Variants in PPP2R2D observed in about 807,000 individuals in gnomAD.
PPP2R2D encodes the protein serine/threonine-protein phosphatase 2A 55 kDa regulatory subunit B delta isoform.
PPP2R2D carries 9 observed loss-of-function variants against 31.1 expected under a neutral mutation model. The observed-to-expected ratio is 0.29, with a 90% CI of 0.17 to 0.51. The LOEUF (loss-of-function observed/expected upper bound fraction) is 0.51, where lower values mean the gene tolerates loss of function less well. Among genes scored for constraint, PPP2R2D ranks in the 20% least tolerant of loss-of-function variants. The pLI is 0.98. For missense variants in PPP2R2D, 391 were observed against 465.6 expected, an observed-to-expected ratio of 0.84 and a Z score of 1.48; for synonymous variants, 179 against 172.6, an observed-to-expected ratio of 1.04 and a Z score of -0.29.
intron 2 of PPP2R2D, among the ~76,000 whole-genome samples, chr10:131,926,331 CAG>C (rs113649292): frequency 1.3e-5 from 2 of 152,222 alleles, no homozygotes; most frequent in African/African-American, 4.8e-5. Context: ...TGAAAAGACA[CAG>C]AAACGTGTGT....
At chr10:131,926,094 C>T (rs1414247700) in intron 2 of PPP2R2D, among the ~76,000 whole-genome samples, 2 of 152,178 alleles carry the variant, frequency 1.3e-5, no homozygotes, top group Non-Finnish European at 2.9e-5. Flanking sequence ...GGGACCTTTC[C>T]CTGTTTGCCT....
chr10:131,936,347 C>G (rs1397290676), intron 3 of PPP2R2D, among the ~76,000 whole-genome samples: 3 of 151,708 alleles, frequency 2.0e-5, no homozygotes, highest in Admixed American at 2.0e-4. Flanking sequence ...GGGGTTTCAC[C>G]GTTGGCCAGG....
chr10:131,943,633 T>C (rs2036481018), intron 5 of PPP2R2D, among the ~76,000 whole-genome samples: 1 of 152,096 alleles, frequency 6.6e-6, no homozygotes, highest in South Asian at 2.1e-4. Context: ...GACTTTGCTG[T>C]CCAGCGCCTC....
At chr10:131,917,074 GTGTT>G (rs1169542154) in intron 2 of PPP2R2D, among the ~76,000 whole-genome samples, 8 of 147,626 alleles carry the variant, frequency 5.4e-5, no homozygotes, top group Non-Finnish European at 9.0e-5. Context: ...GAATGACACA[GTGTT>G]TGTAGGGACC....
intron 2 of PPP2R2D, among the ~76,000 whole-genome samples, chr10:131,904,987 C>CTTT (rs1421317858): frequency 3.4e-5 from 5 of 148,810 alleles, no homozygotes; most frequent in African/African-American, 1.2e-4. Context: ...CCCCACCCCC[C>CTTT]TTTTTTTTTT....
At position 131,916,169 on chromosome 10, in the gene PPP2R2D, C is replaced by T. The variant is rs1179527969; in HGVS notation, c.100+14839C>T. Among the ~76,000 whole-genome samples the T allele has an allele frequency of 5.9e-5, 9 of 152,124 alleles. No individual in the cohort carries two copies. In the East Asian group the frequency reaches 9.6e-4, roughly 16 times the overall value. On this transcript the variant is annotated intron_variant, in intron 2 of 8. Transcript: ENST00000455566. ...TCTGGCCACGCGCCCTGATAACCTC[C>T]GTGTTCCCCGCAGGACAGGCTGTGG... is the stretch of plus-strand genomic sequence containing the variant.
intron 2 of PPP2R2D, among the ~76,000 whole-genome samples, chr10:131,926,097 G>C (rs112072176): frequency 3.9e-5 from 6 of 152,284 alleles, no homozygotes; most frequent in African/African-American, 1.4e-4. Flanking sequence ...ACCTTTCCCT[G>C]TTTGCCTGTG....
the PPP2R2D span, among the ~76,000 whole-genome samples, chr10:131,965,956 G>A: frequency 1.3e-5 from 2 of 152,190 alleles, no homozygotes; most frequent in Non-Finnish European, 2.9e-5. Flanking sequence ...GAGTCTCTAT[G>A]CGTGGGCACC....
At chr10:131,935,521 C>T (rs1173740445) in intron 3 of PPP2R2D, among the ~76,000 whole-genome samples, 1 of 152,158 alleles carries the variant, frequency 6.6e-6, no homozygotes, top group Admixed American at 6.5e-5. Flanking sequence ...GGAGGACTGT[C>T]CCTGGGCCAC....
intron 3 of PPP2R2D, among the ~76,000 whole-genome samples, chr10:131,935,634 G>C (rs1342381572): frequency 1.3e-5 from 2 of 152,178 alleles, no homozygotes; most frequent in Non-Finnish European, 2.9e-5. Flanking sequence ...TTTAAATCCT[G>C]TTTTCTCTGA....
intron 8 of PPP2R2D, among the ~76,000 whole-genome samples, chr10:131,951,697 T>C (rs2036638540): frequency 6.6e-6 from 1 of 152,080 alleles, no homozygotes; most frequent in Admixed American, 6.6e-5. Flanking sequence ...GGTGCATGCC[T>C]TTAATCCCAC....
downstream of PPP2R2D, among the ~76,000 whole-genome samples, chr10:131,961,889 C>A (rs1240937988): frequency 6.6e-6 from 1 of 151,976 alleles, no homozygotes; most frequent in African/African-American, 2.4e-5. Flanking sequence ...CTGCTCCCAT[C>A]TGTCCCTAAT....
chr10:131,964,703 G>A (rs2036958735), downstream of PPP2R2D, among the ~76,000 whole-genome samples: 1 of 135,646 alleles, frequency 7.4e-6, no homozygotes, highest in East Asian at 2.2e-4. Flanking sequence ...TAACCTTGCA[G>A]TATCCACCCC....
At chr10:131,953,425 G>A (rs1327817654) in intron 8 of PPP2R2D, among the ~76,000 whole-genome samples, 1 of 101,244 alleles carries the variant, frequency 9.9e-6, no homozygotes, top group Non-Finnish European at 1.9e-5. Flanking sequence ...ACTTGCGGGG[G>A]GTCCCTGTCT....
At chr10:131,971,492 TTA>T in the PPP2R2D span, 5 of 156,530 alleles carry the variant, frequency 3.2e-5, no homozygotes, top group African/African-American at 4.8e-5. Context: ...ATCCTCAGAA[TTA>T]TATAACAGCA....
intron 2 of PPP2R2D, chr10:131,912,112 A>G (rs1187957984): frequency 6.6e-6 from 1 of 152,146 alleles, no homozygotes; most frequent in Non-Finnish European, 1.5e-5. Context: ...TTTTTAATCC[A>G]CAAATGTGGA....
At chr10:131,935,080 G>C (rs1358060699) in intron 3 of PPP2R2D, 18 of 413,008 alleles carry the variant, frequency 4.4e-5, no homozygotes, top group African/African-American at 3.7e-4. Flanking sequence ...TTCAGAGTGT[G>C]GGCCTTGGAG....
chr10:131,932,646 C>CGAAAAAAAAAAA (rs2036258239), intron 2 of PPP2R2D, among the ~76,000 whole-genome samples: 1 of 57,860 alleles, frequency 1.7e-5, no homozygotes, highest in Non-Finnish European at 3.1e-5. Flanking sequence ...CAGCCTGTCT[C>CGAAAAAAAAAAA]AAAAAAAAAA....
At position 131,901,092 on chromosome 10, in the gene PPP2R2D, C is replaced by T. The variant is rs2035483752; in HGVS notation, c.-57C>T. The T allele has an allele frequency of 1.0e-5, 2 of 194,110 alleles. No individual in the cohort carries two copies. Among genetic ancestry groups the T allele is most frequent in the East Asian group, 1.4e-4 (1 of 7,274 alleles). 12.0% of individuals were successfully genotyped at this position (194,110 alleles called of 1,614,324 possible). Reference sequence around the variant, plus strand: ...GGGGCTGAGCGCTCGGCTGCAGCGGCGCGGAGGCCGTCTCCCTGGTCTGCC... The same window carrying T: ...GGGGCTGAGCGCTCGGCTGCAGCGGTGCGGAGGCCGTCTCCCTGGTCTGCC... On this transcript the variant is annotated 5_prime_UTR_variant, in exon 1 of 9. Coordinates refer to ENST00000455566, the MANE Select transcript of PPP2R2D (RefSeq NM_018461.5).
Sources: allele counts gnomAD v4.1 joint callset (sites outside exome capture counted in the v4.1 genomes callset), GRCh38; gene constraint gnomAD v4.1.1; transcripts MANE v1.5; gene names NCBI Gene and HGNC (gene_info 2026-07-23, HGNC 2026-07-21).